The following PKNOX2 variants were observed in gnomAD, a reference collection of about 807,000 sequenced individuals.
PKNOX2 encodes homeobox protein PKNOX2.
Under a neutral mutation model 53.1 loss-of-function variants are expected in PKNOX2, and 14 were observed. That is an observed-to-expected ratio of 0.26 (90% CI 0.17 to 0.41). The LOEUF is 0.41. PKNOX2 is among the 10% of genes least tolerant of loss of function. The pLI, the probability that PKNOX2 is intolerant of heterozygous loss-of-function variation, is 1.00. For synonymous variants in PKNOX2, 257 were observed against 242.8 expected, an observed-to-expected ratio of 1.06 and a Z score of -0.54; for missense variants, 496 against 602.8, an observed-to-expected ratio of 0.82 and a Z score of 1.85.
intron 5 of PKNOX2, among the ~76,000 whole-genome samples, chr11:125,369,684 G>T (rs1452829240): frequency 6.6e-6 from 1 of 152,162 alleles, no homozygotes; most frequent in African/African-American, 2.4e-5. Context: ...GGTAGGAGAG[G>T]ACCTTCCAGG....
intron 2 of PKNOX2, among the ~76,000 whole-genome samples, chr11:125,270,258 C>T (rs531033719): frequency 2.0e-5 from 3 of 152,324 alleles, no homozygotes; most frequent in East Asian, 1.9e-4. Flanking sequence ...TCCTACAAAC[C>T]GAATGACTGG....
At chr11:125,313,013 A>C (rs1207311456) in intron 2 of PKNOX2, among the ~76,000 whole-genome samples, 1 of 152,226 alleles carries the variant, frequency 6.6e-6, no homozygotes, top group Non-Finnish European at 1.5e-5. Context: ...GGCCAAGCCC[A>C]CTGGAGGCCC....
At position 125,297,517 on chromosome 11, in the gene PKNOX2, T is replaced by A. The variant is rs541148067; in HGVS notation, c.-129-34302T>A. Among the ~76,000 whole-genome samples, 5 of 152,294 alleles carry A rather than the reference T, an allele frequency of 3.3e-5. No individual in the cohort carries two copies. The East Asian group carries it at 9.7e-4, about 29-fold the overall frequency. ...AGGAAAGTGCTTCATTCTGGAGAAG[T>A]CAGAGAAGGCTTCCTGGAGGAGGTG... On this transcript the variant is annotated intron_variant, in intron 2 of 12. Transcript: ENST00000298282.
At chr11:125,351,434 A>C in intron 4 of PKNOX2, 42 bp downstream of exon 4, 1 of 1,298,164 alleles carries the variant, frequency 7.7e-7, no homozygotes, top group Non-Finnish European at 1.1e-6. Flanking sequence ...CGGGGGAGGG[A>C]GTGTGGTGGC....
At chr11:125,318,031 A>T (rs1213545524) in intron 2 of PKNOX2, among the ~76,000 whole-genome samples, 1 of 152,184 alleles carries the variant, frequency 6.6e-6, no homozygotes, top group Non-Finnish European at 1.5e-5. Flanking sequence ...TTGCTGCTTC[A>T]CCTTGCACTT....
At chr11:125,332,295 G>A (rs573005873) in intron 3 of PKNOX2, among the ~76,000 whole-genome samples, 3 of 152,070 alleles carry the variant, frequency 2.0e-5, no homozygotes, top group Non-Finnish European at 2.9e-5. Context: ...GCGGGGTGGG[G>A]TGGGGGGTTC....
chr11:125,182,540 G>T (rs1956213928), intron 1 of PKNOX2, among the ~76,000 whole-genome samples: 1 of 152,192 alleles, frequency 6.6e-6, no homozygotes, highest in Admixed American at 6.5e-5. Flanking sequence ...CTATGTCATG[G>T]TGCTGTTTTG....
rs1955565731 is a variant in PKNOX2, at chr11:125,411,782, G to A, written c.853G>A (p.Asp285Asn). Residue 285 changes from aspartate to asparagine, a missense_variant, in exon 10 of 13, where the codon GAT becomes AAT. Asp to Asn is a conservative substitution (Grantham distance 23, BLOSUM62 1). Transcript: ENST00000298282. ...CCTCACCTCCCTCCTGGACAATGAG[G>A]ATAAGAAGTCCAAGAACAAACGAGG... ...LDLTSLLDNE[D>N]KKSKNKRGVL... The A allele has an allele frequency of 1.9e-6, 3 of 1,614,030 alleles. No homozygotes were observed. Among genetic ancestry groups the A allele is most frequent in the African/African-American group, 2.7e-5 (2 of 74,914 alleles).
intron 2 of PKNOX2, among the ~76,000 whole-genome samples, chr11:125,237,841 C>A (rs117524134): frequency 2.6e-5 from 4 of 152,196 alleles, no homozygotes; most frequent in Non-Finnish European, 5.9e-5. Context: ...CAGGACTCCA[C>A]AAGCCTTGAG....
At chr11:125,306,987 G>A (rs564131432) in intron 2 of PKNOX2, among the ~76,000 whole-genome samples, 42 of 152,270 alleles carry the variant, frequency 2.8e-4, no homozygotes, top group African/African-American at 3.4e-4. Flanking sequence ...CTTCCTCCCC[G>A]TTTCTCCTTC....
intron 1 of PKNOX2, among the ~76,000 whole-genome samples, chr11:125,177,997 G>C (rs989346789): frequency 1.3e-5 from 2 of 152,214 alleles, no homozygotes; most frequent in Non-Finnish European, 2.9e-5. Context: ...ATTGTCTACT[G>C]TGTTTTGACA....
At chr11:125,258,812 C>T (rs1306084036) in intron 2 of PKNOX2, 1 of 315,534 alleles carries the variant, frequency 3.2e-6, no homozygotes, top group Admixed American at 4.0e-5. Context: ...CCCAAGTCCT[C>T]TTTAACCCAA....
chr11:125,354,359 A>G (rs1019923171), intron 4 of PKNOX2, among the ~76,000 whole-genome samples: 1 of 152,120 alleles, frequency 6.6e-6, no homozygotes, highest in Non-Finnish European at 1.5e-5. Flanking sequence ...CTTTAGGTCT[A>G]ATCTCATTAC....
intron 7 of PKNOX2, among the ~76,000 whole-genome samples, chr11:125,404,394 C>T (rs1332753824): frequency 1.3e-5 from 2 of 152,180 alleles, no homozygotes; most frequent in African/African-American, 4.8e-5. Flanking sequence ...ACTGCCTTTC[C>T]CTTGAGACCA....
chr11:125,327,808 C>A (rs929756774), intron 2 of PKNOX2, among the ~76,000 whole-genome samples: 5 of 152,192 alleles, frequency 3.3e-5, no homozygotes, highest in African/African-American at 1.2e-4. Flanking sequence ...AAATGGAACT[C>A]GGCAGTTGTC....
chr11:125,377,287 C>T (rs1166537500), intron 5 of PKNOX2, among the ~76,000 whole-genome samples: 3 of 152,144 alleles, frequency 2.0e-5, no homozygotes, highest in Non-Finnish European at 4.4e-5. Context: ...ACCCAGCTTC[C>T]CACCCTAAAT....
intron 1 of PKNOX2, among the ~76,000 whole-genome samples, chr11:125,168,514 T>C (rs1955050567): frequency 6.6e-6 from 1 of 152,224 alleles, no homozygotes; most frequent in African/African-American, 2.4e-5. Flanking sequence ...CCTGAATTCA[T>C]GGAGTTCTAG....
chr11:125,280,815 C>T (rs1309224000), intron 2 of PKNOX2, among the ~76,000 whole-genome samples: 1 of 152,194 alleles, frequency 6.6e-6, no homozygotes, highest in African/African-American at 2.4e-5. Flanking sequence ...CATGGCAGGG[C>T]TCTGGTTGTC....
intron 6 of PKNOX2, among the ~76,000 whole-genome samples, chr11:125,390,388 A>G (rs976452933): frequency 2.0e-5 from 3 of 152,164 alleles, no homozygotes; most frequent in Non-Finnish European, 4.4e-5. Context: ...TGGAGCTAAT[A>G]TCTTCTTCCA....
Sources: gnomAD v4.1 joint callset for allele counts (sites outside exome capture counted in the v4.1 genomes callset) on GRCh38, gnomAD v4.1.1 for gene constraint, MANE v1.5 for transcripts, NCBI Gene and HGNC (gene_info 2026-07-23, HGNC 2026-07-21) for gene names.